Variants in KNDC1 observed in about 807,000 individuals in gnomAD.
KNDC1 encodes kinase non-catalytic C-lobe domain containing 1, also known as kinase non-catalytic C-lobe domain-containing protein 1.
KNDC1 carries 106 observed loss-of-function variants against 172.8 expected under a neutral mutation model. That is an observed-to-expected ratio of 0.61 (90% CI 0.52 to 0.72). The LOEUF (loss-of-function observed/expected upper bound fraction) is 0.72, where lower values mean the gene tolerates loss of function less well. Ranked by LOEUF, KNDC1 falls within the 30% of genes least tolerant of loss-of-function variation. The probability of loss-of-function intolerance (pLI) is 0.00; values close to 1 mark genes in which losing one functional copy is unlikely to be tolerated. For synonymous variants in KNDC1, 1,083 were observed against 1,062.2 expected, an observed-to-expected ratio of 1.02 and a Z score of -0.38; for missense variants, 2,325 against 2,394.5, an observed-to-expected ratio of 0.97 and a Z score of 0.61.
chr10:133,219,007 G>T, intron 27 of KNDC1, 24 bp from the exon 28 acceptor site: 1 of 1,613,900 alleles, frequency 6.2e-7, no homozygotes, highest in Non-Finnish European at 8.5e-7. Context: ...GGCCGCAGGA[G>T]GCTCACCTGT....
At chr10:133,173,530 CCT>C (rs1486335709) in intron 3 of KNDC1, among the ~76,000 whole-genome samples, 1 of 152,052 alleles carries the variant, frequency 6.6e-6, no homozygotes, top group Non-Finnish European at 1.5e-5. Flanking sequence ...TTCTTTAGCC[CCT>C]GAGTTATTTT....
Position 133,224,800 on chromosome 10 carries a change from T to G in KNDC1, c.5160T>G (p.Asp1720Glu), listed in dbSNP as rs142393075. 3.7e-6 allele frequency: 6 copies of G among 1,614,100 alleles called. No individual in the cohort carries two copies. The South Asian group carries it at 4.4e-5, about 12-fold the overall frequency. Reference sequence around the variant, plus strand: ...CCGACATTTCCACACTCGCCGCAGATAGCAGGGCCAACTTCCACCAGGTCT... The same window carrying G: ...CCGACATTTCCACACTCGCCGCAGAGAGCAGGGCCAACTTCCACCAGGTCT... ...SGADISTLAA[D>E]SRANFHQVSS... Residue 1720 changes from aspartate (D) to glutamate (E), a missense_variant, in exon 30 of 30, where the codon GAT becomes GAG. Transcript: ENST00000304613. This position sits in a 1 kb window ranked among gnomAD's most constrained non-coding sequence, Gnocchi z 5.4.
chr10:133,218,549 A>G (rs1186682390), intron 26 of KNDC1, among the ~76,000 whole-genome samples: 1 of 152,178 alleles, frequency 6.6e-6, no homozygotes, highest in Non-Finnish European at 1.5e-5. Context: ...TCCAGGCACA[A>G]TCTTGCTTTT....
intron 6 of KNDC1, among the ~76,000 whole-genome samples, chr10:133,187,648 G>A (rs780802295): frequency 1.3e-5 from 2 of 152,244 alleles, no homozygotes; most frequent in Non-Finnish European, 2.9e-5. Context: ...GGCACAGGGT[G>A]GCCGAGCCAC....
chr10:133,196,966 C>G lies in KNDC1; in HGVS notation c.1735-92C>G, dbSNP rs1854209084. On this transcript the variant is annotated intron_variant, in intron 10 of 29. Coordinates refer to ENST00000304613, the MANE Select transcript of KNDC1 (RefSeq NM_152643.8). ...CAAACAGGAAACCCTCCTGGCAGCC[C>G]TGAGCTTTTTCAGATGGGGACCCAG... 9.8e-6 allele frequency: 10 copies of G among 1,017,110 alleles called. No individual in the cohort carries two copies. The East Asian group carries it at 2.4e-4, about 25-fold the overall frequency. The allele number at this position is 1,017,110 out of a possible 1,614,324, so 63.0% of individuals were successfully genotyped here.
intron 7 of KNDC1, 85 bp from the exon 8 acceptor site, chr10:133,189,513 A>T: frequency 7.5e-7 from 1 of 1,332,936 alleles, no homozygotes; most frequent in Non-Finnish European, 1.1e-6. Flanking sequence ...GCCCGGCCTG[A>T]CTGAGGCTCC....
At chr10:133,212,092 C>T (rs1319231471) in intron 23 of KNDC1, among the ~76,000 whole-genome samples, 8 of 152,124 alleles carry the variant, frequency 5.3e-5, no homozygotes, top group African/African-American at 1.7e-4. Flanking sequence ...ACAATCCACA[C>T]GTGCACATGC....
At chr10:133,170,163 C>T (rs930837305) in intron 3 of KNDC1, among the ~76,000 whole-genome samples, 8 of 152,192 alleles carry the variant, frequency 5.3e-5, no homozygotes, top group Admixed American at 1.3e-4. Flanking sequence ...CTGAGGGGTG[C>T]GCAGGTGTTT....
chr10:133,219,409 G>T (rs1845535507), intron 28 of KNDC1, among the ~76,000 whole-genome samples: 1 of 152,246 alleles, frequency 6.6e-6, no homozygotes, highest in Non-Finnish European at 1.5e-5. Context: ...CTCCAGGACG[G>T]CAGGGGTGGC....
intron 3 of KNDC1, 60 bp downstream of exon 3, chr10:133,168,372 C>T: frequency 6.6e-7 from 1 of 1,525,284 alleles, no homozygotes; most frequent in South Asian, 1.1e-5. Flanking sequence ...TGGCCTCTGC[C>T]ATTAACTCAG....
chr10:133,216,871 G>T (rs9418945), intron 26 of KNDC1, among the ~76,000 whole-genome samples: 25 of 152,148 alleles, frequency 1.6e-4, no homozygotes, highest in African/African-American at 5.6e-4. Context: ...AAATTCTGAC[G>T]CCTGCGGCAG....
At chr10:133,190,085 AG>A (rs1854037019) in intron 9 of KNDC1, among the ~76,000 whole-genome samples, 1 of 152,252 alleles carries the variant, frequency 6.6e-6, no homozygotes, top group Non-Finnish European at 1.5e-5. Flanking sequence ...GATGTGTATA[AG>A]GCACCTGTGA....
rs1197844121 is a variant in KNDC1 at position 133,225,103 on chromosome 10, A to G, written c.*213A>G. 2 of 582,092 alleles carry G rather than the reference A, an allele frequency of 3.4e-6. No individual in the cohort carries two copies. Among genetic ancestry groups the G allele is most frequent in the Non-Finnish European group, 3.1e-6 (1 of 323,450 alleles). 36.1% of individuals were successfully genotyped at this position (582,092 alleles called of 1,614,324 possible). A position where few individuals can be genotyped will look rare whatever the true frequency, so the allele number is the denominator to read the frequency against. On this transcript the variant is annotated 3_prime_UTR_variant, in exon 30 of 30. Transcript: ENST00000304613. ...CAGACGGAGCCAGGACGGGCACAAG[A>G]GTCTTGGAGGTTTGCGTGTTTCTGC...
Position 133,183,921 on chromosome 10 carries a change from G to T in KNDC1, c.557G>T (p.Arg186Leu). Residue 186 changes from arginine to leucine, a missense_variant, in exon 5 of 30, where the codon CGC (arginine) becomes CTC (leucine). Arg to Leu is a moderately radical substitution (Grantham distance 102). Transcript: ENST00000304613. ...EEKLQLTSSCRVCRSLSAVGR... is the reference protein window; with the variant it reads ...EEKLQLTSSCLVCRSLSAVGR... ...AAGCTGCAGCTCACATCCTCCTGTC[G>T]CGTGTGCCGGAGCCTCTCTGCTGTG... The T allele has an allele frequency of 6.2e-7, 1 of 1,604,126 alleles. No individual in the cohort carries two copies. The highest frequency in any genetic ancestry group is 8.5e-7 in the Non-Finnish European group (1 of 1,172,530).
At chr10:133,189,083 G>A (rs889682395) in intron 7 of KNDC1, among the ~76,000 whole-genome samples, 1 of 152,214 alleles carries the variant, frequency 6.6e-6, no homozygotes, top group Non-Finnish European at 1.5e-5. Flanking sequence ...GGAATCTTCA[G>A]CATTGCACGG....
intron 1 of KNDC1, among the ~76,000 whole-genome samples, chr10:133,164,546 G>A (rs141394908): frequency 2.1e-4 from 32 of 152,324 alleles, no homozygotes; most frequent in African/African-American, 6.5e-4. Context: ...TTCACAGCAC[G>A]TCACCTCCTT....
chr10:133,186,402 CTTTCTAGCTTCCAGGCTCAGCCCAAA>C lies in KNDC1; in HGVS notation c.1056_1081del (p.Ser353GlnfsTer55), dbSNP rs1203645796. 1 of 1,612,642 alleles carries C rather than the reference CTTTCTAGCTTCCAGGCTCAGCCCAAA, an allele frequency of 6.2e-7. No individual in the cohort carries two copies. The highest frequency in any genetic ancestry group is 1.7e-5 in the Admixed American group (1 of 59,990). On this transcript the variant is annotated frameshift_variant, in exon 6 of 30. Coordinates refer to ENST00000304613, the MANE Select transcript of KNDC1 (RefSeq NM_152643.8). LOFTEE classifies it high-confidence loss of function. ...GGCCTTTCTGGACAGGAAAAATGGC[CTTTCTAGCTTCCAGGCTCAGCCCAAA>C]TGCAGGCTGTGGCCGGAGCAGGAGC...
intron 17 of KNDC1, among the ~76,000 whole-genome samples, chr10:133,206,184 G>C (rs1455999138): frequency 6.6e-6 from 1 of 152,172 alleles, no homozygotes; most frequent in Non-Finnish European, 1.5e-5. Flanking sequence ...TGGGCAACAA[G>C]AGAAAAACCC....
chr10:133,182,951 ACAGGCGGTG>A (rs754435707), intron 3 of KNDC1, among the ~76,000 whole-genome samples: 1,808 of 131,152 alleles, frequency 0.014, 15 homozygotes, highest in Non-Finnish European at 0.023. Flanking sequence ...CGGTGTGGGC[ACAGGCGGTG>A]TGGGCACAGG....
Sources: gnomAD v4.1 joint callset for allele counts (sites outside exome capture counted in the v4.1 genomes callset) on GRCh38, gnomAD v4.1.1 for gene constraint, Gnocchi (gnomAD v3.1) non-coding constraint, MANE v1.5 for transcripts, NCBI Gene and HGNC (gene_info 2026-07-23, HGNC 2026-07-21) for gene names.